Variants in MECOM observed in about 807,000 individuals in gnomAD.
The protein encoded by MECOM is MDS1 and EVI1 complex locus, also known as histone-lysine N-methyltransferase MECOM.
A neutral mutation model predicts 116.3 loss-of-function variants in MECOM; 13 were observed. The ratio of observed to expected loss-of-function variants is 0.11; its 90% CI spans 0.07 to 0.18. MECOM has a LOEUF of 0.18. Ranked by LOEUF, MECOM falls within the 10% of genes least tolerant of loss-of-function variation. The probability of loss-of-function intolerance (pLI) is 1.00; values close to 1 mark genes in which losing one functional copy is unlikely to be tolerated. For missense variants in MECOM, 1,299 were observed against 1,509.0 expected, an observed-to-expected ratio of 0.86 and a Z score of 2.31; for synonymous variants, 528 against 535.2, an observed-to-expected ratio of 0.99 and a Z score of 0.19.
At chr3:169,572,916 G>A (rs1040835010) in intron 1 of MECOM, among the ~76,000 whole-genome samples, 3 of 151,906 alleles carry the variant, frequency 2.0e-5, no homozygotes, top group Non-Finnish European at 2.9e-5. Context: ...ACCATGGCAC[G>A]TGTATACCTT....
rs16853907 is a variant in MECOM, at chr3:169,510,119, C to A, written c.38-128595G>T. Among the ~76,000 whole-genome samples, 2,792 of 152,308 alleles carry A rather than the reference C, an allele frequency of 0.018. 251 individuals are homozygous for A. In the East Asian group the frequency reaches 0.3, roughly 16 times the overall value. The stretch of plus-strand genomic sequence containing the variant: ...GCCAAGCAATGTGTATATGCACAAG[C>A]TTTTCTGAACACTTACAGTCCTGTG... On this transcript the variant is annotated intron_variant, in intron 1 of 16. Transcript: ENST00000651503.
chr3:169,541,263 CA>C (rs1235118171), intron 1 of MECOM, among the ~76,000 whole-genome samples: 1 of 152,160 alleles, frequency 6.6e-6, no homozygotes. Context: ...ATGAAACACA[CA>C]AAGGGAGATT....
chr3:169,340,203 G>C (rs1357374479), intron 2 of MECOM, among the ~76,000 whole-genome samples: 1 of 151,518 alleles, frequency 6.6e-6, no homozygotes, highest in African/African-American at 2.4e-5. Flanking sequence ...GAATGAAGCT[G>C]TCTGAGGAGA....
chr3:169,214,320 C>T (rs1230017405), intron 2 of MECOM, among the ~76,000 whole-genome samples: 3 of 151,596 alleles, frequency 2.0e-5, no homozygotes, highest in South Asian at 2.1e-4. Context: ...TATATACTTG[C>T]CAAATTCAAT....
At chr3:169,157,786 AACAC>A (rs1472163241) in intron 2 of MECOM, among the ~76,000 whole-genome samples, 3 of 152,182 alleles carry the variant, frequency 2.0e-5, no homozygotes, top group Non-Finnish European at 4.4e-5. Flanking sequence ...CAAGTTTGCT[AACAC>A]AGTGCCCTAC....
chr3:169,254,503 A>G (rs1239520966), intron 2 of MECOM, among the ~76,000 whole-genome samples: 2 of 152,166 alleles, frequency 1.3e-5, no homozygotes. Flanking sequence ...TGAAGCTTAC[A>G]TTCTAGTGAT....
At chr3:169,245,733 A>AAATTCTAC (rs1313648612) in intron 2 of MECOM, among the ~76,000 whole-genome samples, 2 of 152,186 alleles carry the variant, frequency 1.3e-5, no homozygotes, top group Non-Finnish European at 2.9e-5. Flanking sequence ...CATAATCCTC[A>AAATTCTAC]AATTCTACGC....
chr3:169,619,510 C>G (rs1481481525), intron 1 of MECOM, among the ~76,000 whole-genome samples: 1 of 152,182 alleles, frequency 6.6e-6, no homozygotes, highest in African/African-American at 2.4e-5. Flanking sequence ...TCTCTTTCCT[C>G]CCTTCACCTG....
At chr3:169,257,209 A>G (rs1315443646) in intron 2 of MECOM, among the ~76,000 whole-genome samples, 2 of 152,258 alleles carry the variant, frequency 1.3e-5, no homozygotes, top group Non-Finnish European at 2.9e-5. Flanking sequence ...AGCGGAGGCT[A>G]CAAATATACA....
At chr3:169,394,242 T>G (rs1278500841) in intron 1 of MECOM, among the ~76,000 whole-genome samples, 3 of 152,106 alleles carry the variant, frequency 2.0e-5, no homozygotes, top group Non-Finnish European at 2.9e-5. Flanking sequence ...TACATGTAAA[T>G]CACCATGAGG....
intron 16 of MECOM, 147 bp from the exon 17 acceptor site, chr3:169,085,190 T>G: frequency 9.6e-7 from 1 of 1,039,464 alleles, no homozygotes; most frequent in Non-Finnish European, 1.4e-6. Context: ...GCATATTTTT[T>G]GTAGAAACCA....
At chr3:169,210,791 T>C (rs1286619972) in intron 2 of MECOM, among the ~76,000 whole-genome samples, 2 of 152,132 alleles carry the variant, frequency 1.3e-5, no homozygotes, top group Admixed American at 1.3e-4. Context: ...CAACCCTAAA[T>C]AATTATTGAT....
intron 2 of MECOM, among the ~76,000 whole-genome samples, chr3:169,148,496 C>T (rs1577181507): frequency 6.6e-6 from 1 of 152,090 alleles, no homozygotes; most frequent in East Asian, 1.9e-4. Context: ...TTAGTAAATC[C>T]CACTGGCTAA....
intron 2 of MECOM, among the ~76,000 whole-genome samples, chr3:169,264,209 C>T (rs1313924939): frequency 6.6e-6 from 1 of 152,164 alleles, no homozygotes; most frequent in East Asian, 1.9e-4. Context: ...AACACTGCTG[C>T]TACTTTCTTT....
chr3:169,648,619 G>T (rs1386790729), intron 1 of MECOM, among the ~76,000 whole-genome samples: 1 of 152,244 alleles, frequency 6.6e-6, no homozygotes, highest in Non-Finnish European at 1.5e-5. Flanking sequence ...CAAGCCTAGT[G>T]GCTGGAACAT....
intron 3 of MECOM, among the ~76,000 whole-genome samples, chr3:169,138,031 T>A (rs1479361548): frequency 3.3e-5 from 5 of 152,072 alleles, no homozygotes; most frequent in Non-Finnish European, 7.4e-5. Context: ...TGGGAAGAGT[T>A]CCATCATTAC....
rs1003747304 is a variant in MECOM, at chr3:169,581,732, C to T, written c.37+81604G>A. Among the ~76,000 whole-genome samples the T allele has an allele frequency of 7.9e-5, 12 of 152,108 alleles. 1 individual carries two copies. The highest frequency in any genetic ancestry group is 5.9e-4 in the Admixed American group (9 of 15,260). ...GGTGGGAGTACCAGGGAGAGCTATGCGATGTGTTAGAGACACTGAAAGTTT... is the reference window on the plus strand; with the variant it reads ...GGTGGGAGTACCAGGGAGAGCTATGTGATGTGTTAGAGACACTGAAAGTTT... On this transcript the variant is annotated intron_variant, in intron 1 of 16. Coordinates refer to ENST00000651503, the MANE Select transcript of MECOM (RefSeq NM_004991.4).
chr3:169,338,808 G>C (rs1380476476), intron 2 of MECOM, among the ~76,000 whole-genome samples: 1 of 152,040 alleles, frequency 6.6e-6, no homozygotes, highest in Non-Finnish European at 1.5e-5. Context: ...CTAGAAGGTA[G>C]AGATTATGTT....
intron 2 of MECOM, among the ~76,000 whole-genome samples, chr3:169,364,269 A>T (rs1019929027): frequency 2.6e-5 from 4 of 152,022 alleles, no homozygotes; most frequent in African/African-American, 9.7e-5. Context: ...TTAATAGTTA[A>T]GAAAGGACAT....
Sources: allele counts gnomAD v4.1 joint callset (sites outside exome capture counted in the v4.1 genomes callset), GRCh38; gene constraint gnomAD v4.1.1; transcripts MANE v1.5; gene names NCBI Gene and HGNC (gene_info 2026-07-23, HGNC 2026-07-21).